EDEM3: variants seen among roughly 807,000 people sequenced by gnomAD.
EDEM3 encodes ER degradation-enhancing alpha-mannosidase-like protein 3.
Under a neutral mutation model 110.2 loss-of-function variants are expected in EDEM3, and 60 were observed. The ratio of observed to expected loss-of-function variants is 0.54; its 90% CI spans 0.44 to 0.67. EDEM3 has a LOEUF of 0.67. EDEM3 is among the 30% of genes least tolerant of loss of function. The pLI is 0.00. For missense variants in EDEM3, 996 were observed against 1,121.0 expected (o/e 0.89, Z 1.59); for synonymous variants, 352 against 382.9 (o/e 0.92, Z 0.94).
At chr1:184,745,610 G>T (rs1365657095) in intron 2 of EDEM3, among the ~76,000 whole-genome samples, 1 of 152,038 alleles carries the variant, frequency 6.6e-6, no homozygotes, top group Non-Finnish European at 1.5e-5. Flanking sequence ...GGGTAGGGGA[G>T]AGGCACTCCA....
At chr1:184,716,367 C>T (rs1650546230) in intron 13 of EDEM3, among the ~76,000 whole-genome samples, 1 of 152,112 alleles carries the variant, frequency 6.6e-6, no homozygotes, top group African/African-American at 2.4e-5. Flanking sequence ...TCATGTGGAG[C>T]ACTTTTTATA....
In EDEM3 at chr1:184,691,660, A is replaced by C. The variant is rs1453482239; in HGVS notation, c.*2403T>G. The C allele has an allele frequency of 6.6e-6, 1 of 152,344 alleles. No individual in the cohort carries two copies. Among genetic ancestry groups the C allele is most frequent in the Non-Finnish European group, 1.5e-5 (1 of 67,966 alleles). The allele number at this position is 152,344 out of a possible 1,614,324, so 9.4% of individuals were successfully genotyped here. On this transcript the variant is annotated 3_prime_UTR_variant, in exon 20 of 20. Transcript: ENST00000318130. ...ACAACTAATGCCTTTGGAATTTTTAATGAACTCAAAAACTACTTTGTGGCA... is the reference window on the plus strand; with the variant it reads ...ACAACTAATGCCTTTGGAATTTTTACTGAACTCAAAAACTACTTTGTGGCA...
At chr1:184,744,872 C>A (rs541204767) in intron 2 of EDEM3, among the ~76,000 whole-genome samples, 2 of 152,094 alleles carry the variant, frequency 1.3e-5, no homozygotes, top group South Asian at 4.1e-4. Context: ...GAAAGTAAAT[C>A]AAAAGACTAT....
Position 184,711,894 on chromosome 1 carries a change from T to C in EDEM3, c.1537-17A>G. 6.4e-7 allele frequency: 1 copy of C among 1,564,628 alleles called. No individual in the cohort carries two copies. The highest frequency in any genetic ancestry group is 8.6e-7 in the Non-Finnish European group (1 of 1,160,138). On this transcript the variant is annotated splice_polypyrimidine_tract_variant and intron_variant, in intron 14 of 19. Coordinates refer to ENST00000318130, the MANE Select transcript of EDEM3 (RefSeq NM_025191.4). ...TTCCGAGGTCTACAAGAGAAAAACATTTTATGTAAACAGAAATAATTATTT... is the reference window on the plus strand; with the variant it reads ...TTCCGAGGTCTACAAGAGAAAAACACTTTATGTAAACAGAAATAATTATTT...
intron 1 of EDEM3, among the ~76,000 whole-genome samples, chr1:184,751,557 G>T (rs563063541): frequency 6.6e-6 from 1 of 152,266 alleles, no homozygotes; most frequent in Admixed American, 6.5e-5. Flanking sequence ...TCAAAGTGGA[G>T]CTATTTAATA....
chr1:184,711,931 A>AT (rs35621191), intron 14 of EDEM3, 54 bp from the exon 15 acceptor site: 62,570 of 1,014,342 alleles, frequency 0.062, no homozygotes, highest in East Asian at 0.069. Context: ...ACTTAACATA[A>AT]TTTTTTTTTT....
intron 6 of EDEM3, among the ~76,000 whole-genome samples, chr1:184,727,327 G>A (rs553324586): frequency 6.5e-4 from 99 of 152,132 alleles, no homozygotes; most frequent in Middle Eastern, 3.4e-3. Flanking sequence ...CTCAAACTGA[G>A]CAGACACTGA....
Position 184,743,858 on chromosome 1 carries a change from G to T in EDEM3, c.204+5689C>A, listed in dbSNP as rs372934897. ...GAAAGGATATTATTTTCAACAAATG[G>T]TGCTGGAATAACTAGACAGCCACAT... is the stretch of plus-strand genomic sequence containing the variant. On this transcript the variant is annotated intron_variant, in intron 2 of 19. Transcript: ENST00000318130. Among the ~76,000 whole-genome samples, 85 of 151,380 alleles carry T rather than the reference G, an allele frequency of 5.6e-4. 1 individual carries two copies. In the East Asian group the frequency reaches 7.2e-3, roughly 13 times the overall value.
At chr1:184,735,395 T>C (rs1056558543) in intron 4 of EDEM3, among the ~76,000 whole-genome samples, 2 of 152,160 alleles carry the variant, frequency 1.3e-5, no homozygotes, top group South Asian at 4.1e-4. Flanking sequence ...ACTAAGAATT[T>C]TGTAGATTCT....
Position 184,716,938 on chromosome 1 carries a change from A to G in EDEM3, c.1320T>C (p.Pro440=). The G allele has an allele frequency of 1.2e-6, 2 of 1,613,358 alleles. No homozygotes were observed. Among genetic ancestry groups the G allele is most frequent in the South Asian group, 2.2e-5 (2 of 91,052 alleles). Residue 440 remains proline, a synonymous_variant, in exon 13 of 20, where the codon CCT becomes CCC. Transcript: ENST00000318130. ...IENLNKYARV[P]CGFAAMKDVR... ...CATCCTTCATGGCAGCAAATCCGCA[A>G]GGCACTCTAGCATATTTATTTAAAT...
At position 184,691,646 on chromosome 1, in the gene EDEM3, C is replaced by T. The variant is rs900827632; in HGVS notation, c.*2417G>A. ...TAAAAAAAAAAAAAACAACTAATGC[C>T]TTTGGAATTTTTAATGAACTCAAAA... On this transcript the variant is annotated 3_prime_UTR_variant, in exon 20 of 20. Coordinates refer to ENST00000318130, the MANE Select transcript of EDEM3 (RefSeq NM_025191.4). 1 of 151,682 alleles carries T rather than the reference C, an allele frequency of 6.6e-6. No homozygotes were observed. Among genetic ancestry groups the T allele is most frequent in the Non-Finnish European group, 1.5e-5 (1 of 67,840 alleles). 9.4% of individuals were successfully genotyped at this position (151,682 alleles called of 1,614,324 possible).
At chr1:184,745,227 G>A (rs981984375) in intron 2 of EDEM3, among the ~76,000 whole-genome samples, 5 of 152,076 alleles carry the variant, frequency 3.3e-5, no homozygotes, top group Non-Finnish European at 7.4e-5. Context: ...GGATACTATA[G>A]AATTTCTTGT....
chr1:184,746,144 G>A (rs553101843), intron 2 of EDEM3, among the ~76,000 whole-genome samples: 2 of 152,280 alleles, frequency 1.3e-5, no homozygotes, highest in South Asian at 2.1e-4. Context: ...AAACATAGTC[G>A]TTATTAATAG....
Position 184,721,106 on chromosome 1 carries a change from T to A in EDEM3, c.951+183A>T, listed in dbSNP as rs1438957660. The A allele has an allele frequency of 1.6e-5, 8 of 500,372 alleles. No homozygotes were observed. In the East Asian group the frequency reaches 2.6e-4, roughly 16 times the overall value. 31.0% of individuals were successfully genotyped at this position (500,372 alleles called of 1,614,324 possible). A position where few individuals can be genotyped will look rare whatever the true frequency, so the allele number is the denominator to read the frequency against. ...GTGAAAATAAAACTACTTTATCAAC[T>A]GATTTTTTGGAATGTATATCACTTT... On this transcript the variant is annotated intron_variant, in intron 9 of 19. Transcript: ENST00000318130.
chr1:184,703,459 G>C (rs1269496358), intron 18 of EDEM3, among the ~76,000 whole-genome samples: 5 of 152,124 alleles, frequency 3.3e-5, no homozygotes, highest in Non-Finnish European at 7.4e-5. Context: ...TGATTACATT[G>C]TTTTACCAAA....
At chr1:184,714,367 C>T (rs951034566) in intron 13 of EDEM3, among the ~76,000 whole-genome samples, 44 of 152,162 alleles carry the variant, frequency 2.9e-4, no homozygotes, top group African/African-American at 9.2e-4. Context: ...GGTAATCTTA[C>T]GCAGTTAGGG....
Position 184,693,970 on chromosome 1 carries a change from C to T in EDEM3, c.*93G>A. The T allele has an allele frequency of 7.5e-7, 1 of 1,340,864 alleles. No individual in the cohort carries two copies. Among genetic ancestry groups the T allele is most frequent in the Non-Finnish European group, 1.0e-6 (1 of 983,694 alleles). The allele number at this position is 1,340,864 out of a possible 1,614,324, so 83.1% of individuals were successfully genotyped here. On this transcript the variant is annotated 3_prime_UTR_variant, in exon 20 of 20. Transcript: ENST00000318130. ...TGTTCATCACCATACTTAAAGCCTC[C>T]CATTAGAAAGCCTGCTTAGTATTAG...
At chr1:184,754,339 G>T in intron 1 of EDEM3, 150 bp downstream of exon 1, 1 of 1,297,212 alleles carries the variant, frequency 7.7e-7, no homozygotes, top group South Asian at 1.6e-5. Flanking sequence ...CACCTCCCCG[G>T]ACCCTGTCCA....
At chr1:184,742,781 C>T (rs1383542950) in intron 2 of EDEM3, among the ~76,000 whole-genome samples, 2 of 152,154 alleles carry the variant, frequency 1.3e-5, no homozygotes, top group Admixed American at 6.5e-5. Context: ...CCAGAATGTA[C>T]ATTTTTATTG....
Sources: allele counts gnomAD v4.1 joint callset (sites outside exome capture counted in the v4.1 genomes callset), GRCh38; gene constraint gnomAD v4.1.1; transcripts MANE v1.5; gene names NCBI Gene and HGNC (gene_info 2026-07-23, HGNC 2026-07-21).